GOLGA8A: variants seen among roughly 807,000 people sequenced by gnomAD.
GOLGA8A encodes golgin subfamily A member 8A.
A neutral mutation model predicts 22.1 loss-of-function variants in GOLGA8A; 3 were observed. The ratio of observed to expected loss-of-function variants is 0.14; its 90% confidence interval spans 0.06 to 0.35. The LOEUF is 0.35. Among genes scored for constraint, GOLGA8A ranks in the 10% least tolerant of loss-of-function variants. The pLI, the probability that GOLGA8A is intolerant of heterozygous loss-of-function variation, is 1.00. For synonymous variants in GOLGA8A, 7 were observed against 91.7 expected (o/e 0.08, Z 5.28); for missense variants, 16 against 233.2 (o/e 0.07, Z 6.07).
In GOLGA8A at chr15:34,425,535, C is replaced by G. The variant is rs1248127194; in HGVS notation, c.-1123+9848G>C. 2.1e-5 allele frequency among the ~76,000 whole-genome samples: 3 copies of G among 144,660 alleles called. 1 individual carries two copies. Among genetic ancestry groups the G allele is most frequent in the Non-Finnish European group, 4.6e-5 (3 of 65,654 alleles). 94.9% of individuals were successfully genotyped at this position (144,660 alleles called of 152,430 possible). Reference sequence around the variant, plus strand: ...GTTATATACATTAGGGTACAGAAACCCATTCTCTAAGTAAGATACAAAATT... The same window carrying G: ...GTTATATACATTAGGGTACAGAAACGCATTCTCTAAGTAAGATACAAAATT... On this transcript the variant is annotated intron_variant, in intron 2 of 24. Transcript: ENST00000359187.
At chr15:34,434,996 T>C (rs1893433225) in intron 2 of GOLGA8A, among the ~76,000 whole-genome samples, 1 of 149,588 alleles carries the variant, frequency 6.7e-6, no homozygotes, top group African/African-American at 2.5e-5. Flanking sequence ...CCCAGTGATG[T>C]GTGCTGGGCC....
At chr15:34,426,700 T>G (rs1892998105) in intron 2 of GOLGA8A, among the ~76,000 whole-genome samples, 2 of 144,250 alleles carry the variant, frequency 1.4e-5, no homozygotes. Flanking sequence ...AATGGCACCT[T>G]TCTTCTCCAG....
chr15:34,405,722 T>C (rs1892202766), intron 4 of GOLGA8A, among the ~76,000 whole-genome samples: 1 of 140,366 alleles, frequency 7.1e-6, no homozygotes. Flanking sequence ...TCTGCATAAC[T>C]GCAGTAGCTG....
chr15:34,433,364 C>T lies in GOLGA8A; in HGVS notation c.-1123+2019G>A, dbSNP rs1257054707. On this transcript the variant is annotated intron_variant, in intron 2 of 24. Coordinates refer to ENST00000359187, the MANE Select transcript of GOLGA8A (RefSeq NM_181077.5). ...CCGAGGTGACTGCAGGGAGACGCAG[C>T]GCTGACTTTGGCAGCAGGGACCACC... Among the ~76,000 whole-genome samples the T allele has an allele frequency of 1.3e-5, 2 of 149,124 alleles. 1 individual carries two copies. Among genetic ancestry groups the T allele is most frequent in the African/African-American group, 5.0e-5 (2 of 40,362 alleles).
chr15:34,427,894 C>T (rs1474262732), intron 2 of GOLGA8A, among the ~76,000 whole-genome samples: 4 of 148,662 alleles, frequency 2.7e-5, no homozygotes, highest in African/African-American at 9.9e-5. Context: ...CTAACAGTCT[C>T]TCACCATCCC....
At chr15:34,409,076 T>C (rs1892301915) in intron 2 of GOLGA8A, among the ~76,000 whole-genome samples, 4 of 115,976 alleles carry the variant, frequency 3.4e-5, no homozygotes, top group African/African-American at 6.2e-5. Context: ...CTCTCCCCCC[T>C]CCCACCTCTC....
rs541884249 is a variant in GOLGA8A at position 34,380,271 on chromosome 15, C to T, written c.*1140G>A. 14 of 152,300 alleles carry T rather than the reference C, an allele frequency of 9.2e-5. No homozygotes were observed. The highest frequency in any genetic ancestry group is 3.4e-4 in the African/African-American group (14 of 41,566). 9.4% of individuals were successfully genotyped at this position (152,300 alleles called of 1,614,324 possible). The stretch of plus-strand genomic sequence containing the variant: ...CTAGATAGTAAAATCAAACTTCAAG[C>T]CTCAAAGAAGCTCCATGAACAGAGA... On this transcript the variant is annotated 3_prime_UTR_variant, in exon 25 of 25. Transcript: ENST00000359187.
chr15:34,429,876 C>A (rs574493447), intron 2 of GOLGA8A, among the ~76,000 whole-genome samples: 1 of 147,950 alleles, frequency 6.8e-6, no homozygotes, highest in Non-Finnish European at 1.5e-5. Context: ...AGGTTAGTGT[C>A]CCGCACCCCT....
In GOLGA8A at chr15:34,436,899, G is replaced by A. The variant is rs189494898; in HGVS notation, c.-1212+499C>T. 1.4e-4 allele frequency among the ~76,000 whole-genome samples: 21 copies of A among 149,856 alleles called. 2 individuals carry two copies. Among genetic ancestry groups the A allele is most frequent in the African/African-American group, 4.7e-4 (19 of 40,758 alleles). On this transcript the variant is annotated intron_variant, in intron 1 of 24. Coordinates refer to ENST00000359187, the MANE Select transcript of GOLGA8A (RefSeq NM_181077.5). ...CTGGGCCTTATTATACAGGGAAAGG[G>A]AAGGGGCGAAGATCCGGGCTCGAGT...
chr15:34,425,422 G>GT (rs1471696844), intron 2 of GOLGA8A, among the ~76,000 whole-genome samples: 1 of 139,442 alleles, frequency 7.2e-6, no homozygotes, highest in Non-Finnish European at 1.6e-5. Context: ...AAATCACACC[G>GT]TATCTAAAAT....
intron 5 of GOLGA8A, 108 bp from the exon 6 acceptor site, chr15:34,400,867 G>A (rs1281641934): frequency 2.4e-5 from 3 of 126,172 alleles, no homozygotes; most frequent in Middle Eastern, 3.9e-3. Flanking sequence ...AGCTAAGTAC[G>A]AAGCTTTTAG....
At chr15:34,427,705 G>T (rs1445551411) in intron 2 of GOLGA8A, among the ~76,000 whole-genome samples, 3 of 148,476 alleles carry the variant, frequency 2.0e-5, no homozygotes, top group African/African-American at 5.0e-5. Flanking sequence ...TTGAGGAACT[G>T]GGGGAGGGCT....
At chr15:34,418,130 T>TAAA (rs60344538) in intron 2 of GOLGA8A, 4 of 62,770 alleles carry the variant, frequency 6.4e-5, no homozygotes, top group African/African-American at 1.1e-4. Flanking sequence ...GTAGATTCTT[T>TAAA]AAAAAAAAAA....
intron 1 of GOLGA8A, among the ~76,000 whole-genome samples, chr15:34,436,450 C>T (rs557445890): frequency 1.3e-5 from 2 of 149,854 alleles, no homozygotes; most frequent in East Asian, 2.0e-4. Context: ...CACAGATTTA[C>T]GTCTGGTGCC....
intron 1 of GOLGA8A, among the ~76,000 whole-genome samples, chr15:34,437,022 C>G (rs1566916534): frequency 1.3e-5 from 2 of 149,078 alleles, no homozygotes; most frequent in African/African-American, 4.9e-5. Flanking sequence ...GCGGAACGCA[C>G]CAGCGGCCCG....
chr15:34,386,855 CGG>C, intron 11 of GOLGA8A, 114 bp from the exon 12 acceptor site: 1 of 1,592,724 alleles, frequency 6.3e-7, no homozygotes. Context: ...GGCTGGCCTG[CGG>C]GGTCACTGCA....
intron 2 of GOLGA8A, among the ~76,000 whole-genome samples, chr15:34,420,511 C>T (rs1179154700): frequency 6.9e-6 from 1 of 144,336 alleles, no homozygotes; most frequent in Admixed American, 7.1e-5. Context: ...CCTGCACTCA[C>T]GGGTCACTGC....
intron 2 of GOLGA8A, among the ~76,000 whole-genome samples, chr15:34,426,202 A>C (rs374998823): frequency 1.3e-5 from 2 of 149,522 alleles, no homozygotes; most frequent in South Asian, 2.1e-4. Context: ...GAACAACCCA[A>C]AAGTTCAATA....
In GOLGA8A at chr15:34,380,017, CCA is replaced by C. The variant is rs1305483604; in HGVS notation, c.*1392_*1393del. The C allele has an allele frequency of 3.3e-5, 5 of 152,724 alleles. No individual in the cohort carries two copies. The highest frequency in any genetic ancestry group is 9.6e-5 in the African/African-American group (4 of 41,554). 9.5% of individuals were successfully genotyped at this position (152,724 alleles called of 1,614,324 possible). On this transcript the variant is annotated 3_prime_UTR_variant, in exon 25 of 25. Transcript: ENST00000359187. ...AGACATTCACAAACAGTAGATTGCA[CCA>C]CAGTGTGTAAACATTTTAAGTTGCA...
Sources: gnomAD v4.1 joint callset for allele counts (sites outside exome capture counted in the v4.1 genomes callset) on GRCh38, gnomAD v4.1.1 for gene constraint, MANE v1.5 for transcripts, NCBI Gene and HGNC (gene_info 2026-07-23, HGNC 2026-07-21) for gene names.